XIST: variants seen among roughly 807,000 people sequenced by gnomAD.
XIST encodes X inactive specific transcript, also known as X inactive specific transcript (non-protein coding).
chrX:73,821,665 T>A, exon 6 of XIST: 1 of 551,763 alleles, frequency 1.8e-6, no homozygotes, highest in Non-Finnish European at 3.3e-6. Context: ...GTTTGACCTT[T>A]TCCTTCACTC....
chrX:73,845,355 G>A, exon 1 of XIST: 1 of 557,501 alleles, frequency 1.8e-6, no homozygotes, highest in Non-Finnish European at 3.2e-6. Context: ...AAGGGTCTGA[G>A]AGTAGGACCT....
At chrX:73,842,655 G>A in exon 1 of XIST, 1 of 558,323 alleles carries the variant, frequency 1.8e-6, no homozygotes. Flanking sequence ...AAGGGGCTTT[G>A]GGTAGTCAGC....
At chrX:73,825,272 T>C (rs1459144802) in exon 6 of XIST, 1 of 557,618 alleles carries the variant, frequency 1.8e-6, no homozygotes, top group Non-Finnish European at 3.2e-6. Context: ...CAAACACAAA[T>C]TGGCCTCAAA....
chrX:73,850,992 C>T (rs1390535046), exon 1 of XIST: 1 of 559,500 alleles, frequency 1.8e-6, no homozygotes, highest in East Asian at 3.2e-5. Context: ...ACTTCTTTCT[C>T]CTGACTGGCT....
chrX:73,836,292 G>A (rs776043412), intron 2 of XIST, among the ~76,000 whole-genome samples: 7 of 112,124 alleles, frequency 6.2e-5, no homozygotes, highest in South Asian at 3.7e-4. Context: ...CCTATTTTAC[G>A]TTTCAAAACT....
chrX:73,849,780 A>G, exon 1 of XIST: 1 of 539,071 alleles, frequency 1.9e-6, no homozygotes, highest in Non-Finnish European at 3.3e-6. Flanking sequence ...TGAATCAATG[A>G]AAATTAGAGT....
chrX:73,823,551 A>G (rs2147695102), exon 6 of XIST: 1 of 557,721 alleles, frequency 1.8e-6, no homozygotes, highest in East Asian at 3.3e-5. Flanking sequence ...TGAATCAAAA[A>G]GCACGCCTGA....
Position 73,844,552 on chromosome X carries a change from G to A in XIST, n.8172C>T, listed in dbSNP as rs756029341. ...TAAATTTCCAAGATGCATGGTTGTGGTCACTTACAATTGTGCACCTTGATT... is the reference window on the plus strand; with the variant it reads ...TAAATTTCCAAGATGCATGGTTGTGATCACTTACAATTGTGCACCTTGATT... On this transcript the variant is annotated non_coding_transcript_exon_variant, in exon 1 of 6. Transcript: ENST00000429829. 8.9e-6 allele frequency: 5 copies of A among 559,231 alleles called. No individual in the cohort carries two copies. In the South Asian group the frequency reaches 1.1e-4, roughly 12 times the overall value. The allele number at this position is 559,231 out of a possible 1,213,427, so 46.1% of individuals were successfully genotyped here.
chrX:73,850,746 A>AG, exon 1 of XIST: 1 of 154,689 alleles, frequency 6.5e-6, no homozygotes, highest in Non-Finnish European at 1.2e-5. Flanking sequence ...GGGGGTGGGG[A>AG]GTTGGGGGGG....
At chrX:73,831,230 A>T (rs1295560305) in exon 4 of XIST, 2 of 550,082 alleles carry the variant, frequency 3.6e-6, no homozygotes, top group Non-Finnish European at 6.5e-6. Context: ...AAGGGAATGG[A>T]TCACTAACAC....
chrX:73,847,084 G>A, exon 1 of XIST: 2 of 559,241 alleles, frequency 3.6e-6, no homozygotes. Flanking sequence ...AACTTTACTA[G>A]TCTAAGGGTC....
chrX:73,822,237 T>C, exon 6 of XIST: 1 of 558,295 alleles, frequency 1.8e-6, no homozygotes, highest in South Asian at 2.2e-5. Context: ...GAAGTGTCTA[T>C]TATAAGGAGA....
chrX:73,850,787 C>T (rs1404056861), exon 1 of XIST: 10 of 497,393 alleles, frequency 2.0e-5, no homozygotes, highest in African/African-American at 1.8e-4. Context: ...TATACTTAGC[C>T]TTAGGTGAGG....
exon 6 of XIST, chrX:73,827,759 G>A (rs920244259): frequency 7.4e-6 from 4 of 543,889 alleles, no homozygotes; most frequent in Admixed American, 2.3e-5. Context: ...GAAATAAAGC[G>A]TGAAAGAAGA....
At position 73,844,852 on chromosome X, in the gene XIST, T is replaced by C. The variant is rs899433824; in HGVS notation, n.7872A>G. On this transcript the variant is annotated non_coding_transcript_exon_variant, in exon 1 of 6. Transcript: ENST00000429829. ...ACCAAGGTGCATGGCTGCGGTCACT[T>C]AGAATTGTGCACCTTGACTGTCCAA... The C allele has an allele frequency of 4.5e-5, 25 of 554,152 alleles. No individual in the cohort carries two copies. The Admixed American group carries it at 5.2e-4, about 11-fold the overall frequency. The allele number at this position is 554,152 out of a possible 1,213,427, so 45.7% of individuals were successfully genotyped here. A position where few individuals can be genotyped will look rare whatever the true frequency, so the allele number is the denominator to read the frequency against.
At chrX:73,851,361 G>A (rs1922936882) in exon 1 of XIST, 1 of 559,333 alleles carries the variant, frequency 1.8e-6, no homozygotes, top group Non-Finnish European at 3.2e-6. Context: ...TTACACTGCG[G>A]CAAGACCTTC....
exon 6 of XIST, chrX:73,824,232 C>T (rs1922198163): frequency 1.9e-6 from 1 of 515,370 alleles, no homozygotes; most frequent in Non-Finnish European, 3.5e-6. Context: ...TAGATAACTA[C>T]TATAGTGGCA....
chrX:73,852,599 T>C, exon 1 of XIST: 1 of 493,936 alleles, frequency 2.0e-6, no homozygotes, highest in Non-Finnish European at 3.5e-6. Context: ...AGGTGATTTT[T>C]TTAAAGAAAT....
Position 73,849,906 on chromosome X carries a change from G to A in XIST, n.2818C>T, listed in dbSNP as rs757484028. 2.6e-4 allele frequency: 138 copies of A among 522,762 alleles called. No individual in the cohort carries two copies. In the African/African-American group the frequency reaches 2.6e-3, roughly 10 times the overall value. 43.1% of individuals were successfully genotyped at this position (522,762 alleles called of 1,213,427 possible). A position where few individuals can be genotyped will look rare whatever the true frequency, so the allele number is the denominator to read the frequency against. ...CTGGGGCGGGGTGGGAGTAGGGCTGGGGCTAGACTAGGGGTTTGCTGGGAG... is the reference window on the plus strand; with the variant it reads ...CTGGGGCGGGGTGGGAGTAGGGCTGAGGCTAGACTAGGGGTTTGCTGGGAG... On this transcript the variant is annotated non_coding_transcript_exon_variant, in exon 1 of 6. Transcript: ENST00000429829.
Sources: allele counts gnomAD v4.1 joint callset (sites outside exome capture counted in the v4.1 genomes callset), GRCh38; gene constraint gnomAD v4.1.1; transcripts MANE v1.5; gene names NCBI Gene and HGNC (gene_info 2026-07-23, HGNC 2026-07-21).